The following WDR33 variants were observed in gnomAD, a reference collection of about 807,000 sequenced individuals.
WDR33 encodes the protein WD repeat domain 33.
In WDR33, 47 loss-of-function variants were observed where a neutral mutation model predicts 164.9. The ratio of observed to expected loss-of-function variants is 0.29; its 90% CI spans 0.23 to 0.36. The LOEUF (loss-of-function observed/expected upper bound fraction) is 0.36, where lower values mean the gene tolerates loss of function less well. Among genes scored for constraint, WDR33 ranks in the 10% least tolerant of loss-of-function variants. The pLI, the probability that WDR33 is intolerant of heterozygous loss-of-function variation, is 1.00. For missense variants in WDR33, 1,137 were observed against 1,754.1 expected (o/e 0.65, Z 6.28); for synonymous variants, 505 against 589.0 (o/e 0.86, Z 2.06).
intron 7 of WDR33, among the ~76,000 whole-genome samples, chr2:127,745,262 G>A (rs1261987741): frequency 6.6e-6 from 1 of 152,126 alleles, no homozygotes. Context: ...ACATAACTGT[G>A]CTATCGATCC....
intron 7 of WDR33, among the ~76,000 whole-genome samples, chr2:127,733,653 A>C (rs1234695275): frequency 1.3e-5 from 2 of 152,202 alleles, no homozygotes; most frequent in African/African-American, 4.8e-5. Flanking sequence ...GTCACACGTG[A>C]CTAGTGGCTA....
At chr2:127,744,059 A>T (rs1218234314) in intron 7 of WDR33, among the ~76,000 whole-genome samples, 2 of 152,122 alleles carry the variant, frequency 1.3e-5, no homozygotes, top group African/African-American at 4.8e-5. Flanking sequence ...AGTGATTTTT[A>T]AAAATAAGGT....
chr2:127,765,192 A>G lies in WDR33; in HGVS notation c.456T>C (p.Asn152=). 6.2e-7 allele frequency: 1 copy of G among 1,614,092 alleles called. No individual in the cohort carries two copies. The highest frequency in any genetic ancestry group is 8.5e-7 in the Non-Finnish European group (1 of 1,179,966). Residue 152 remains asparagine (N), a synonymous_variant, in exon 5 of 22, where the codon AAT becomes AAC. Transcript: ENST00000322313. ...EFTLWNGLTF[N]FETILQAHDS... ...TCATTACCTGTAATATTGTTTCAAAATTGAAAGTGAGTCCATTCCACAGGG... is the reference window on the plus strand; with the variant it reads ...TCATTACCTGTAATATTGTTTCAAAGTTGAAAGTGAGTCCATTCCACAGGG...
chr2:127,787,463 C>A (rs1257713978), intron 1 of WDR33, among the ~76,000 whole-genome samples: 3 of 137,258 alleles, frequency 2.2e-5, no homozygotes, highest in African/African-American at 9.1e-5. Context: ...ACCTCCCGGA[C>A]GGGGCAGCTG....
rs1687747397 is a variant in WDR33 at position 127,763,790 on chromosome 2, G to A, written c.627-631C>T. The A allele has an allele frequency of 2.0e-6, 2 of 985,526 alleles. No homozygotes were observed. The highest frequency in any genetic ancestry group is 9.4e-5 in the South Asian group (2 of 21,294). The allele number at this position is 985,526 out of a possible 1,614,324, so 61.0% of individuals were successfully genotyped here. A position where few individuals can be genotyped will look rare whatever the true frequency, so the allele number is the denominator to read the frequency against. On this transcript the variant is annotated intron_variant, in intron 6 of 21. Coordinates refer to ENST00000322313, the MANE Select transcript of WDR33 (RefSeq NM_018383.5). The surrounding 1 kb of genome is among the most constrained non-coding windows in gnomAD (Gnocchi z 4.5). ...AAAGCCAAAGAATCTGCTGCAAGAAGGAGTCAGTTTTTCCCAGCAGTGAAA... is the reference window on the plus strand; with the variant it reads ...AAAGCCAAAGAATCTGCTGCAAGAAAGAGTCAGTTTTTCCCAGCAGTGAAA...
intron 1 of WDR33, among the ~76,000 whole-genome samples, chr2:127,796,350 G>A (rs570089340): frequency 2.6e-5 from 4 of 151,776 alleles, no homozygotes; most frequent in Non-Finnish European, 4.4e-5. Context: ...CTGGGATTAC[G>A]GGCATAAACC....
In WDR33 at chr2:127,786,457, C is replaced by T. The variant is rs1432372129; in HGVS notation, c.-23-15453G>A. ...CAACACTTTGGGAGGCTGAGGCAGA[C>T]GGATCACTTGAGGCCAGGAGTTCAA... On this transcript the variant is annotated intron_variant, in intron 1 of 21. Transcript: ENST00000322313. Among the ~76,000 whole-genome samples, 5 of 152,278 alleles carry T rather than the reference C, an allele frequency of 3.3e-5. No individual in the cohort carries two copies. In the East Asian group the frequency reaches 7.7e-4, roughly 23 times the overall value.
At position 127,768,815 on chromosome 2, in the gene WDR33, T is replaced by C. The variant is rs1217439267; in HGVS notation, c.273+118A>G. 5 of 633,476 alleles carry C rather than the reference T, an allele frequency of 7.9e-6. No individual in the cohort carries two copies. In the Admixed American group the frequency reaches 1.2e-4, roughly 15 times the overall value. The allele number at this position is 633,476 out of a possible 1,614,324, so 39.2% of individuals were successfully genotyped here. A position where few individuals can be genotyped will look rare whatever the true frequency, so the allele number is the denominator to read the frequency against. ...TGTTATATTATCCCTTTGGGAATAT[T>C]TTAATTATAAAAATGTAAAAAGAAA... On this transcript the variant is annotated intron_variant, in intron 3 of 21. Transcript: ENST00000322313.
intron 2 of WDR33, 89 bp from the exon 3 acceptor site, chr2:127,769,090 A>T: frequency 1.4e-6 from 1 of 725,364 alleles, no homozygotes; most frequent in Non-Finnish European, 1.9e-6. Context: ...AAATTAACAA[A>T]ATGTAAGCTA....
chr2:127,764,081 C>T lies in WDR33; in HGVS notation c.626+747G>A. On this transcript the variant is annotated intron_variant, in intron 6 of 21. Coordinates refer to ENST00000322313, the MANE Select transcript of WDR33 (RefSeq NM_018383.5). The surrounding 1 kb of genome is among the most constrained non-coding windows in gnomAD (Gnocchi z 6.2). ...GCTGCTTAGCTTTATTCTGAGGCTG[C>T]AGCAATTCTTCAGGCTTGTATTTGG... is the stretch of plus-strand genomic sequence containing the variant. 1.0e-6 allele frequency: 1 copy of T among 987,804 alleles called. No individual in the cohort carries two copies. The highest frequency in any genetic ancestry group is 1.2e-6 in the Non-Finnish European group (1 of 831,744). 61.2% of individuals were successfully genotyped at this position (987,804 alleles called of 1,614,324 possible). A position where few individuals can be genotyped will look rare whatever the true frequency, so the allele number is the denominator to read the frequency against.
At position 127,706,580 on chromosome 2, in the gene WDR33, CTT is replaced by C. The variant is rs776151565; in HGVS notation, c.3782-30_3782-29del. The C allele has an allele frequency of 1.3e-5, 20 of 1,575,146 alleles. No homozygotes were observed. In the South Asian group the frequency reaches 2.3e-4, roughly 18 times the overall value. On this transcript the variant is annotated intron_variant, in intron 21 of 21. Coordinates refer to ENST00000322313, the MANE Select transcript of WDR33 (RefSeq NM_018383.5). This position sits in a 1 kb window ranked among gnomAD's most constrained non-coding sequence, Gnocchi z 5.1. ...GAAACAAAGAAAATTTCACATGGGACTTTTTGTATTAGCAACTGTTTGTCAGT... is the reference window on the plus strand; with the variant it reads ...GAAACAAAGAAAATTTCACATGGGACTTTGTATTAGCAACTGTTTGTCAGT...
chr2:127,703,559 C>T lies in WDR33; in HGVS notation c.*2764G>A. On this transcript the variant is annotated 3_prime_UTR_variant, in exon 22 of 22. Coordinates refer to ENST00000322313, the MANE Select transcript of WDR33 (RefSeq NM_018383.5). ...AACATCCACACTGTAGGCTTGCAGG[C>T]TACCCGCCCTGAGATTTGGTAAAGA... The T allele has an allele frequency of 1.8e-5, 3 of 167,222 alleles. No homozygotes were observed. 10.4% of individuals were successfully genotyped at this position (167,222 alleles called of 1,614,324 possible). A position where few individuals can be genotyped will look rare whatever the true frequency, so the allele number is the denominator to read the frequency against.
chr2:127,739,381 A>G (rs1162518129), intron 7 of WDR33, among the ~76,000 whole-genome samples: 1 of 152,262 alleles, frequency 6.6e-6, no homozygotes, highest in Non-Finnish European at 1.5e-5. Flanking sequence ...TGATGAAAGT[A>G]GCTTTGTCCA....
At chr2:127,776,792 C>T (rs1688197766) in intron 1 of WDR33, among the ~76,000 whole-genome samples, 1 of 152,190 alleles carries the variant, frequency 6.6e-6, no homozygotes, top group African/African-American at 2.4e-5. Context: ...TTGACCACGA[C>T]AGAAAGAACC....
chr2:127,807,596 A>G (rs545748730), intron 1 of WDR33, among the ~76,000 whole-genome samples: 2 of 152,340 alleles, frequency 1.3e-5, no homozygotes, highest in East Asian at 1.9e-4. Flanking sequence ...AGACCTCATT[A>G]ATTGGATTTA....
intron 1 of WDR33, among the ~76,000 whole-genome samples, chr2:127,775,881 A>G (rs1159085388): frequency 2.6e-5 from 4 of 152,208 alleles, no homozygotes; most frequent in Non-Finnish European, 5.9e-5. Flanking sequence ...AAAAAAAAGT[A>G]CAATTATATC....
At chr2:127,732,705 C>T (rs1321480515) in intron 7 of WDR33, among the ~76,000 whole-genome samples, 1 of 152,154 alleles carries the variant, frequency 6.6e-6, no homozygotes, top group Non-Finnish European at 1.5e-5. Context: ...AGATACTCAG[C>T]AGGGATGCAG....
rs1401437506 is a variant in WDR33 at position 127,704,659 on chromosome 2, G to A, written c.*1664C>T. The A allele has an allele frequency of 6.0e-6, 1 of 167,046 alleles. No individual in the cohort carries two copies. Among genetic ancestry groups the A allele is most frequent in the African/African-American group, 2.4e-5 (1 of 41,458 alleles). 10.3% of individuals were successfully genotyped at this position (167,046 alleles called of 1,614,324 possible). On this transcript the variant is annotated 3_prime_UTR_variant, in exon 22 of 22. Transcript: ENST00000322313. ...CTAGATTCTAACACTGAAAAGCAGT[G>A]TATATGGCTGACATTTTCTCACTCC... is the stretch of plus-strand genomic sequence containing the variant.
intron 7 of WDR33, among the ~76,000 whole-genome samples, chr2:127,756,964 C>T (rs112818507): frequency 0.027 from 4,136 of 151,864 alleles, 206 homozygotes; most frequent in African/African-American, 0.094. Context: ...GTAGTCCCAG[C>T]TACCAGGGAG....
Sources: gnomAD v4.1 joint callset for allele counts (sites outside exome capture counted in the v4.1 genomes callset) on GRCh38, gnomAD v4.1.1 for gene constraint, Gnocchi (gnomAD v3.1) non-coding constraint, MANE v1.5 for transcripts, NCBI Gene and HGNC (gene_info 2026-07-23, HGNC 2026-07-21) for gene names.